TANC1: variants seen among roughly 807,000 people sequenced by gnomAD.
The protein encoded by TANC1 is protein TANC1.
TANC1 carries 77 observed loss-of-function variants against 149.7 expected under a neutral mutation model. The observed-to-expected ratio is 0.51, with a 90% CI of 0.43 to 0.62. The LOEUF (loss-of-function observed/expected upper bound fraction) is 0.62, where lower values mean the gene tolerates loss of function less well. Ranked by LOEUF, TANC1 falls within the 20% of genes least tolerant of loss-of-function variation. The pLI is 0.00. For missense variants in TANC1, 1,985 were observed against 2,321.8 expected (o/e 0.85, Z 2.98); for synonymous variants, 854 against 925.0 (o/e 0.92, Z 1.39).
At position 159,006,643 on chromosome 2, in the gene TANC1, A is replaced by G. The variant is rs1386066268; in HGVS notation, c.-16+5454A>G. On this transcript the variant is annotated intron_variant, in intron 2 of 26. Transcript: ENST00000263635. ...TTCAGTATTTTCTTTCTATACCCCTAGAGATCATCTTTTACTCTCTTTTAA... is the reference window on the plus strand; with the variant it reads ...TTCAGTATTTTCTTTCTATACCCCTGGAGATCATCTTTTACTCTCTTTTAA... 2.6e-5 allele frequency among the ~76,000 whole-genome samples: 4 copies of G among 152,220 alleles called. No homozygotes were observed. The East Asian group carries it at 7.7e-4, about 29-fold the overall frequency.
Position 159,176,481 on chromosome 2 carries a change from G to A in TANC1, c.1865G>A (p.Trp622Ter), listed in dbSNP as rs1433439508. ...ITKIISKFPAWLKLIVTVRAN... is the reference protein window; with the variant it reads ...ITKIISKFPA ...AAAATTATTTCTAAATTTCCTGCCT[G>A]GTTGAAGTTGATTGTGACTGTAAGA... The change falls in exon 13 of 27, where the codon TGG (tryptophan) becomes TAG (stop). Residue 622 changes from tryptophan to a stop codon, truncating the protein, a stop_gained. Coordinates refer to ENST00000263635, the MANE Select transcript of TANC1 (RefSeq NM_033394.3). LOFTEE classifies it high-confidence loss of function. The A allele has an allele frequency of 6.2e-7, 1 of 1,602,006 alleles. No individual in the cohort carries two copies. The highest frequency in any genetic ancestry group is 8.5e-7 in the Non-Finnish European group (1 of 1,177,036).
intron 2 of TANC1, chr2:159,027,077 G>A (rs1559146635): frequency 6.6e-6 from 1 of 151,070 alleles, no homozygotes; most frequent in Non-Finnish European, 1.5e-5. Context: ...TTATCCTTGT[G>A]CAGGGACCAT....
chr2:159,136,002 T>TTGTGTGTGTGTG lies in TANC1; in HGVS notation c.260-155_260-144dup, dbSNP rs754052800. ...ACGTTCCCTCGTCTGTACTGAAATT[T>TTGTGTGTGTGTG]TGTGTGTGTGTGTGTGTGTGTGTGT... On this transcript the variant is annotated intron_variant, in intron 4 of 26. Transcript: ENST00000263635. Among the ~76,000 whole-genome samples the TTGTGTGTGTGTG allele has an allele frequency of 6.0e-3, 644 of 107,810 alleles. 5 individuals are homozygous for TTGTGTGTGTGTG. Among genetic ancestry groups the TTGTGTGTGTGTG allele is most frequent in the Non-Finnish European group, 7.6e-3 (350 of 45,994 alleles). The allele number at this position is 107,810 out of a possible 152,430, so 70.7% of individuals were successfully genotyped here.
At chr2:158,989,609 CAAA>C (rs35891573) in intron 1 of TANC1, among the ~76,000 whole-genome samples, 12 of 87,554 alleles carry the variant, frequency 1.4e-4, no homozygotes, top group Non-Finnish European at 9.4e-5. Context: ...GACTCAGTCT[CAAA>C]AAAAAAAAAA....
chr2:159,098,570 T>G (rs143443754), intron 4 of TANC1, among the ~76,000 whole-genome samples: 89 of 152,350 alleles, frequency 5.8e-4, no homozygotes, highest in African/African-American at 2.0e-3. Flanking sequence ...TATACTGATG[T>G]ATTTCATTTG....
At chr2:159,124,314 A>G (rs2049164511) in intron 4 of TANC1, among the ~76,000 whole-genome samples, 1 of 152,194 alleles carries the variant, frequency 6.6e-6, no homozygotes, top group Non-Finnish European at 1.5e-5. Context: ...ACTGCACTCC[A>G]TCCTGGGCGA....
intron 2 of TANC1, among the ~76,000 whole-genome samples, chr2:159,043,274 A>G (rs1022172890): frequency 1.3e-5 from 2 of 151,868 alleles, no homozygotes; most frequent in African/African-American, 4.8e-5. Context: ...TCTTTTTTCC[A>G]GTTCTTTTGC....
chr2:159,228,207 T>C (rs2060133736), intron 25 of TANC1: 1 of 492,386 alleles, frequency 2.0e-6, no homozygotes, highest in South Asian at 2.6e-5. Context: ...GCCTCAGTAA[T>C]GAGAAGCAAA....
At chr2:159,206,297 G>A (rs1202257438) in intron 19 of TANC1, among the ~76,000 whole-genome samples, 1 of 152,190 alleles carries the variant, frequency 6.6e-6, no homozygotes, top group East Asian at 1.9e-4. Flanking sequence ...AAACAGTGGA[G>A]GCAGATAGGG....
intron 1 of TANC1, among the ~76,000 whole-genome samples, chr2:158,969,846 T>C (rs2032577744): frequency 6.6e-6 from 1 of 152,136 alleles, no homozygotes; most frequent in South Asian, 2.1e-4. Flanking sequence ...TCCTGCCAGC[T>C]CCAGATCCGC....
chr2:159,161,914 C>T (rs183527816), intron 7 of TANC1, among the ~76,000 whole-genome samples: 34 of 152,306 alleles, frequency 2.2e-4, no homozygotes, highest in Admixed American at 2.0e-3. Context: ...ATTTATTGAG[C>T]ACTTACTATG....
chr2:159,024,674 C>T (rs868634414), intron 2 of TANC1, among the ~76,000 whole-genome samples: 1 of 151,970 alleles, frequency 6.6e-6, no homozygotes, highest in South Asian at 2.1e-4. Flanking sequence ...TCGCTTGAAT[C>T]CGGGAGGCAG....
intron 1 of TANC1, among the ~76,000 whole-genome samples, chr2:158,971,933 AC>A (rs2032948303): frequency 6.6e-6 from 1 of 152,180 alleles, no homozygotes; most frequent in Non-Finnish European, 1.5e-5. Flanking sequence ...GTTTATTCAA[AC>A]CTGCCAAACA....
At chr2:159,037,437 A>G (rs1268147729) in intron 2 of TANC1, among the ~76,000 whole-genome samples, 2 of 152,124 alleles carry the variant, frequency 1.3e-5, no homozygotes, top group Admixed American at 6.6e-5. Context: ...GCCCGTGCCT[A>G]TGTCCGGAAT....
intron 2 of TANC1, among the ~76,000 whole-genome samples, chr2:159,020,636 T>A (rs1228150162): frequency 1.3e-5 from 2 of 152,248 alleles, no homozygotes; most frequent in Non-Finnish European, 2.9e-5. Context: ...ACTAAGAATT[T>A]GTGAATTTGA....
At chr2:158,971,748 G>A (rs959184419) in intron 1 of TANC1, among the ~76,000 whole-genome samples, 2 of 152,176 alleles carry the variant, frequency 1.3e-5, no homozygotes, top group Admixed American at 6.5e-5. Context: ...AGCCAGTGCT[G>A]TAATGTTAGA....
At chr2:158,976,818 T>G (rs1407634624) in intron 1 of TANC1, among the ~76,000 whole-genome samples, 1 of 151,994 alleles carries the variant, frequency 6.6e-6, no homozygotes, top group African/African-American at 2.4e-5. Flanking sequence ...GAGGTGGAGG[T>G]TGCCGTGAGC....
chr2:159,061,769 T>C (rs997182274), intron 2 of TANC1, among the ~76,000 whole-genome samples: 1 of 152,174 alleles, frequency 6.6e-6, no homozygotes, highest in Non-Finnish European at 1.5e-5. Context: ...CTCAAAAATA[T>C]ATAATGGAAA....
intron 16 of TANC1, among the ~76,000 whole-genome samples, chr2:159,193,666 G>A (rs1274075056): frequency 6.6e-6 from 1 of 151,984 alleles, no homozygotes; most frequent in Non-Finnish European, 1.5e-5. Flanking sequence ...CTGAGATACA[G>A]GCACACACCA....
Sources: allele counts gnomAD v4.1 joint callset (sites outside exome capture counted in the v4.1 genomes callset), GRCh38; gene constraint gnomAD v4.1.1; transcripts MANE v1.5; gene names NCBI Gene and HGNC (gene_info 2026-07-23, HGNC 2026-07-21).